Variants in GPR35 observed in about 807,000 individuals in gnomAD.
GPR35 encodes the protein G protein-coupled receptor 35.
For synonymous variants in GPR35, 207 were observed against 198.4 expected, an observed-to-expected ratio of 1.04 and a Z score of -0.36; for missense variants, 372 against 422.5, an observed-to-expected ratio of 0.88 and a Z score of 1.05.
At position 240,632,865 on chromosome 2, in the gene GPR35, C is replaced by T. The variant is rs1446678367; in HGVS notation, c.*1983C>T. 1.3e-5 allele frequency among the ~76,000 whole-genome samples: 2 copies of T among 152,254 alleles called. No individual in the cohort carries two copies. The highest frequency in any genetic ancestry group is 4.8e-5 in the African/African-American group (2 of 41,474). ...AGGCTTTGTGTCTCCACCCAAATCT[C>T]ATCTTGAATTGTAATCCCTATAATA... On this transcript the variant is annotated 3_prime_UTR_variant, in exon 2 of 2. Coordinates refer to ENST00000407714, the MANE Select transcript of GPR35 (RefSeq NM_005301.5).
In GPR35 at chr2:240,631,096, C is replaced by T; in HGVS notation, c.*214C>T. 1 of 596,808 alleles carries T rather than the reference C, an allele frequency of 1.7e-6. No homozygotes were observed. The highest frequency in any genetic ancestry group is 1.9e-5 in the African/African-American group (1 of 53,760). 37.0% of individuals were successfully genotyped at this position (596,808 alleles called of 1,614,324 possible). A position where few individuals can be genotyped will look rare whatever the true frequency, so the allele number is the denominator to read the frequency against. On this transcript the variant is annotated 3_prime_UTR_variant, in exon 2 of 2. Transcript: ENST00000407714. The stretch of plus-strand genomic sequence containing the variant: ...AAGGGCAAGAGGACTGAGGCCAGAG[C>T]AAGGCCAATGTCAGAGACCCCCGGG...
chr2:240,619,584 A>T (rs2043271021), intron 5 of GPR35, among the ~76,000 whole-genome samples: 1 of 152,196 alleles, frequency 6.6e-6, no homozygotes, highest in Non-Finnish European at 1.5e-5. Flanking sequence ...CCAGGCCGGG[A>T]TCCTGCTGCC....
upstream of GPR35, chr2:240,625,250 A>T: frequency 1.0e-6 from 1 of 985,234 alleles, no homozygotes; most frequent in Non-Finnish European, 1.2e-6. Flanking sequence ...TTTCCAGAAC[A>T]AATGTGTGCC....
chr2:240,613,780 C>T (rs550485611), intron 2 of GPR35, among the ~76,000 whole-genome samples: 1 of 149,702 alleles, frequency 6.7e-6, no homozygotes, highest in South Asian at 2.1e-4. Context: ...CTAACTCTAA[C>T]CCTAACCCTA....
chr2:240,618,155 T>C (rs1458934812), intron 4 of GPR35, among the ~76,000 whole-genome samples: 1 of 152,214 alleles, frequency 6.6e-6, no homozygotes, highest in East Asian at 1.9e-4. Flanking sequence ...TTAATCTTAT[T>C]GATAATATAT....
At chr2:240,613,980 A>G (rs1182796191) in intron 2 of GPR35, among the ~76,000 whole-genome samples, 3 of 150,734 alleles carry the variant, frequency 2.0e-5, no homozygotes, top group Non-Finnish European at 3.0e-5. Flanking sequence ...AACCCTAACC[A>G]TAACACCAAC....
At chr2:240,623,135 G>A (rs1198715896), upstream of GPR35, among the ~76,000 whole-genome samples, 1 of 152,246 alleles carries the variant, frequency 6.6e-6, no homozygotes, top group African/African-American at 2.4e-5. Flanking sequence ...CGGAGTCGCT[G>A]TGGGTGAGCG....
Position 240,630,328 on chromosome 2 carries a change from G to A in GPR35, c.376G>A (p.Gly126Arg), listed in dbSNP as rs61734453. Residue 126 changes from glycine to arginine, a missense_variant, in exon 2 of 2, where the codon GGG becomes AGG. Coordinates refer to ENST00000407714, the MANE Select transcript of GPR35 (RefSeq NM_005301.5). Reference protein sequence around the residue: ...VAVRHPLRARGLRSPRQAAAV... With the variant: ...VAVRHPLRARRLRSPRQAAAV... ...CGTGCGGCACCCGCTGCGTGCCCGC[G>A]GGCTGCGGTCCCCCAGGCAGGCTGC... is the stretch of plus-strand genomic sequence containing the variant. 7.8e-3 allele frequency: 12,444 copies of A among 1,594,464 alleles called. 72 individuals are homozygous for A. Among genetic ancestry groups the A allele is most frequent in the South Asian group, 0.011 (1,023 of 90,552 alleles).
intron 1 of GPR35, among the ~76,000 whole-genome samples, chr2:240,626,312 G>A (rs2043376946): frequency 1.4e-5 from 2 of 147,422 alleles, no homozygotes; most frequent in Admixed American, 6.7e-5. Context: ...GTCTCAGAGC[G>A]GGGTGAGGCT....
At chr2:240,620,343 G>A (rs2043279240) in intron 5 of GPR35, among the ~76,000 whole-genome samples, 1 of 152,156 alleles carries the variant, frequency 6.6e-6, no homozygotes, top group East Asian at 1.9e-4. Context: ...ACACCCCATA[G>A]GCTGGGTGAA....
rs2043461737 is a variant in GPR35 at position 240,632,588 on chromosome 2, A to T, written c.*1706A>T. Among the ~76,000 whole-genome samples, 1 of 150,066 alleles carries T rather than the reference A, an allele frequency of 6.7e-6. No individual in the cohort carries two copies. Among genetic ancestry groups the T allele is most frequent in the African/African-American group, 2.5e-5 (1 of 40,444 alleles). On this transcript the variant is annotated 3_prime_UTR_variant, in exon 2 of 2. Transcript: ENST00000407714. The stretch of plus-strand genomic sequence containing the variant: ...GGAGGGTTCATGTCCAGAAAGGTCC[A>T]TGCCTAGGAGGGCCCATACACAACA...
chr2:240,628,209 G>GC (rs2043399935), intron 1 of GPR35: 2 of 152,246 alleles, frequency 1.3e-5, no homozygotes, highest in Non-Finnish European at 2.9e-5. Context: ...AGCGGGGGCT[G>GC]CCACAGGAGT....
chr2:240,614,765 C>T (rs759136770), intron 2 of GPR35, among the ~76,000 whole-genome samples: 1 of 152,184 alleles, frequency 6.6e-6, no homozygotes, highest in Non-Finnish European at 1.5e-5. Flanking sequence ...TCCTGTCCCT[C>T]CACCCAGAGG....
At chr2:240,607,024 A>G (rs1366078882) in intron 2 of GPR35, among the ~76,000 whole-genome samples, 2 of 152,112 alleles carry the variant, frequency 1.3e-5, no homozygotes, top group African/African-American at 4.8e-5. Context: ...TGGAGAGGAG[A>G]ATAGGCTAGT....
At position 240,630,810 on chromosome 2, in the gene GPR35, G is replaced by A. The variant is rs140467268; in HGVS notation, c.858G>A (p.Ala286=). 451 of 1,613,284 alleles carry A rather than the reference G, an allele frequency of 2.8e-4. 1 individual carries two copies. In the East Asian group the frequency reaches 5.1e-3, roughly 18 times the overall value. The change falls in exon 2 of 2, where the codon GCG becomes GCA. Residue 286 remains alanine, a synonymous_variant. Transcript: ENST00000407714. ...YYYMAKEFQE[A]SALAVAPSAK... ...ACATGGCCAAGGAGTTCCAGGAGGC[G>A]TCTGCACTGGCCGTGGCTCCCAGTG...
chr2:240,622,011 T>G (rs1052707776), upstream of GPR35, among the ~76,000 whole-genome samples: 3 of 151,986 alleles, frequency 2.0e-5, no homozygotes, highest in African/African-American at 7.2e-5. Flanking sequence ...TAGCTGGGAT[T>G]ACAGGCATGC....
At position 240,630,887 on chromosome 2, in the gene GPR35, C is replaced by T. The variant is rs199706629; in HGVS notation, c.*5C>T. ...CTGTGCGTGACCCTCGCCTAAGAGG[C>T]GTGCTGTGGGCGCTGTGGGCCAGGT... On this transcript the variant is annotated 3_prime_UTR_variant, in exon 2 of 2. Coordinates refer to ENST00000407714, the MANE Select transcript of GPR35 (RefSeq NM_005301.5). The T allele has an allele frequency of 1.2e-4, 192 of 1,603,738 alleles. No homozygotes were observed. In the Admixed American group the frequency reaches 1.8e-3, roughly 15 times the overall value.
At chr2:240,613,526 C>T (rs557850022) in intron 2 of GPR35, among the ~76,000 whole-genome samples, 1 of 152,146 alleles carries the variant, frequency 6.6e-6, no homozygotes, top group South Asian at 2.1e-4. Flanking sequence ...AAATCCTAAC[C>T]ATAACCCTAA....
At chr2:240,614,825 CATGTGTGTATGTTGT>C (rs1559434002) in intron 2 of GPR35, among the ~76,000 whole-genome samples, 1 of 152,010 alleles carries the variant, frequency 6.6e-6, no homozygotes, top group African/African-American at 2.4e-5. Context: ...TGCACATGTG[CATGTGTGTATGTTGT>C]ATGTGTATAT....
Sources: gnomAD v4.1 joint callset for allele counts (sites outside exome capture counted in the v4.1 genomes callset) on GRCh38, gnomAD v4.1.1 for gene constraint, MANE v1.5 for transcripts, NCBI Gene and HGNC (gene_info 2026-07-23, HGNC 2026-07-21) for gene names.